The following DCDC2 variants were observed in gnomAD, a reference collection of about 807,000 sequenced individuals.
DCDC2 encodes the protein doublecortin domain-containing protein 2.
A neutral mutation model predicts 50.2 loss-of-function variants in DCDC2; 40 were observed. The observed-to-expected ratio is 0.80, with a 90% CI of 0.62 to 1.04. The LOEUF (loss-of-function observed/expected upper bound fraction) is 1.04, where lower values mean the gene tolerates loss of function less well. DCDC2 is among the 50% of genes least tolerant of loss of function. The probability of loss-of-function intolerance (pLI) is 0.00; values close to 1 mark genes in which losing one functional copy is unlikely to be tolerated. For missense variants in DCDC2, 570 were observed against 581.9 expected (o/e 0.98, Z 0.21); for synonymous variants, 234 against 210.6 (o/e 1.11, Z -0.96).
At chr6:24,231,207 A>T (rs1297246290) in intron 7 of DCDC2, among the ~76,000 whole-genome samples, 1 of 152,126 alleles carries the variant, frequency 6.6e-6, no homozygotes, top group Non-Finnish European at 1.5e-5. Context: ...TTATTTCTGC[A>T]TCTATGTCCA....
intron 7 of DCDC2, among the ~76,000 whole-genome samples, chr6:24,262,188 G>C (rs147627363): frequency 4.0e-5 from 6 of 150,194 alleles, no homozygotes; most frequent in African/African-American, 1.2e-4. Flanking sequence ...GGGAGGGAGA[G>C]CACAGTAATT....
At chr6:24,250,296 G>A (rs1410705429) in intron 7 of DCDC2, among the ~76,000 whole-genome samples, 2 of 152,162 alleles carry the variant, frequency 1.3e-5, no homozygotes, top group African/African-American at 2.4e-5. Flanking sequence ...CAGGGCCAAA[G>A]GAGAAGAGAA....
intron 7 of DCDC2, among the ~76,000 whole-genome samples, chr6:24,217,620 C>G (rs1294048646): frequency 1.3e-5 from 2 of 152,116 alleles, no homozygotes; most frequent in Non-Finnish European, 2.9e-5. Flanking sequence ...GGTAATAGGC[C>G]TGAATTGCTC....
At chr6:24,200,738 T>G (rs1229993251) in intron 8 of DCDC2, among the ~76,000 whole-genome samples, 1 of 152,002 alleles carries the variant, frequency 6.6e-6, no homozygotes, top group East Asian at 1.9e-4. Context: ...ATCGGTGTGC[T>G]GTATTCAGGA....
Position 24,288,912 on chromosome 6 carries a change from G to A in DCDC2, c.705-6C>T, listed in dbSNP as rs1437624261. On this transcript the variant is annotated splice_polypyrimidine_tract_variant and splice_region_variant and intron_variant, in intron 5 of 9. Coordinates refer to ENST00000378454, the MANE Select transcript of DCDC2 (RefSeq NM_016356.5). ...GTAGTGAAGAAGCTTTCTGACTGTG[G>A]AAACAAATTGCAATTTAGAAATCTG... The A allele has an allele frequency of 6.9e-6, 11 of 1,590,172 alleles. No individual in the cohort carries two copies. The highest frequency in any genetic ancestry group is 9.4e-6 in the Non-Finnish European group (11 of 1,171,314).
chr6:24,244,380 G>A (rs1053726362), intron 7 of DCDC2, among the ~76,000 whole-genome samples: 1 of 152,180 alleles, frequency 6.6e-6, no homozygotes, highest in South Asian at 2.1e-4. Flanking sequence ...GGTGGGAAAA[G>A]GACAGAAAAC....
chr6:24,376,313 G>A, the DCDC2 span, among the ~76,000 whole-genome samples: 29 of 152,316 alleles, frequency 1.9e-4, no homozygotes, highest in East Asian at 5.6e-3. Flanking sequence ...GGGAGGGGGA[G>A]GTGAGAGTCA....
intron 7 of DCDC2, among the ~76,000 whole-genome samples, chr6:24,240,640 A>G (rs966030188): frequency 2.0e-5 from 3 of 152,232 alleles, no homozygotes; most frequent in Admixed American, 6.5e-5. Context: ...AATCAAAGTA[A>G]TACAAAAGGG....
intron 6 of DCDC2, among the ~76,000 whole-genome samples, chr6:24,278,678 T>C (rs1437291391): frequency 6.6e-6 from 1 of 152,198 alleles, no homozygotes; most frequent in African/African-American, 2.4e-5. Flanking sequence ...CTCTCACTCC[T>C]GCACCTTTCT....
chr6:24,220,911 T>TGAGCGAGCGAGC (rs1184828335), intron 7 of DCDC2, among the ~76,000 whole-genome samples: 1 of 125,296 alleles, frequency 8.0e-6, no homozygotes, highest in African/African-American at 2.7e-5. Flanking sequence ...AGCGAGAGAG[T>TGAGCGAGCGAGC]GAGCGAGCGA....
chr6:24,293,971 C>A (rs1251953370), intron 4 of DCDC2, among the ~76,000 whole-genome samples: 1 of 152,172 alleles, frequency 6.6e-6, no homozygotes, highest in Non-Finnish European at 1.5e-5. Flanking sequence ...TCAAGAAGTT[C>A]TTTGAAACTG....
upstream of DCDC2, among the ~76,000 whole-genome samples, chr6:24,362,369 TG>T (rs1372113116): frequency 1.2e-4 from 17 of 144,338 alleles, no homozygotes; most frequent in Non-Finnish European, 1.1e-4. Flanking sequence ...TTTATTTAAT[TG>T]TATGTTTATA....
At chr6:24,292,159 A>G (rs1431963878) in intron 4 of DCDC2, among the ~76,000 whole-genome samples, 1 of 152,224 alleles carries the variant, frequency 6.6e-6, no homozygotes, top group Non-Finnish European at 1.5e-5. Context: ...AGATGATTTT[A>G]AATGTCCACA....
chr6:24,342,132 T>C (rs1269873996), intron 2 of DCDC2, among the ~76,000 whole-genome samples: 1 of 152,214 alleles, frequency 6.6e-6, no homozygotes, highest in African/African-American at 2.4e-5. Flanking sequence ...ATTCCTTTAA[T>C]GCATCTTTGC....
intron 9 of DCDC2, 110 bp downstream of exon 9, chr6:24,178,220 C>T: frequency 9.1e-7 from 1 of 1,097,878 alleles, no homozygotes; most frequent in Non-Finnish European, 1.3e-6. Context: ...TACTCAACCA[C>T]AAGTGGTTTC....
chr6:24,315,271 T>C (rs1196731324), intron 2 of DCDC2, among the ~76,000 whole-genome samples: 2 of 151,908 alleles, frequency 1.3e-5, no homozygotes, highest in African/African-American at 4.8e-5. Context: ...AGGAACCTCC[T>C]AGAACCAAGT....
chr6:24,345,188 T>C (rs1018016455), intron 2 of DCDC2, among the ~76,000 whole-genome samples: 1 of 152,178 alleles, frequency 6.6e-6, no homozygotes, highest in Non-Finnish European at 1.5e-5. Flanking sequence ...ATAATCACCA[T>C]GCCTTCCTGC....
intron 2 of DCDC2, among the ~76,000 whole-genome samples, chr6:24,317,606 G>A (rs2113849423): frequency 6.6e-6 from 1 of 151,974 alleles, no homozygotes; most frequent in Non-Finnish European, 1.5e-5. Context: ...TTCTAATTAT[G>A]ACTCCATATC....
chr6:24,191,388 C>T (rs572123823), intron 8 of DCDC2, among the ~76,000 whole-genome samples: 17 of 152,306 alleles, frequency 1.1e-4, no homozygotes, highest in African/African-American at 4.1e-4. Flanking sequence ...TTTCTGGTTA[C>T]AGCCTCTAAG....
Sources: gnomAD v4.1 joint callset for allele counts (sites outside exome capture counted in the v4.1 genomes callset) on GRCh38, gnomAD v4.1.1 for gene constraint, MANE v1.5 for transcripts, NCBI Gene and HGNC (gene_info 2026-07-23, HGNC 2026-07-21) for gene names.